Variants in TRPM2 observed in about 807,000 individuals in gnomAD.
TRPM2 encodes transient receptor potential cation channel subfamily M member 2, also known as estrogen-responsive element-associated gene 1 protein.
Under a neutral mutation model 174.0 loss-of-function variants are expected in TRPM2, and 161 were observed. That is an observed-to-expected ratio of 0.93 (90% CI 0.81 to 1.05). The LOEUF (loss-of-function observed/expected upper bound fraction) is 1.05, where lower values mean the gene tolerates loss of function less well. TRPM2 is among the 50% of genes least tolerant of loss of function. The probability of loss-of-function intolerance (pLI) is 0.00; values close to 1 mark genes in which losing one functional copy is unlikely to be tolerated. For missense variants in TRPM2, 2,057 were observed against 2,038.0 expected (o/e 1.01, Z -0.18); for synonymous variants, 954 against 861.3 (o/e 1.11, Z -1.88).
intron 18 of TRPM2, 45 bp downstream of exon 18, chr21:44,406,082 G>T (rs768885326): frequency 6.3e-7 from 1 of 1,595,544 alleles, no homozygotes; most frequent in Non-Finnish European, 8.5e-7. Context: ...TGCAGCCCAG[G>T]GTGGGCCTCG....
intron 2 of TRPM2, among the ~76,000 whole-genome samples, chr21:44,359,914 A>T (rs986173350): frequency 6.6e-6 from 1 of 151,644 alleles, no homozygotes. Context: ...CACCTGGCTA[A>T]TTTTTGTATT....
chr21:44,353,840 A>G lies in TRPM2; in HGVS notation c.140A>G (p.Gln47Arg), dbSNP rs1443830986. The change falls in exon 1 of 32, where the codon CAG (glutamine) becomes CGG (arginine). Residue 47 changes from glutamine to arginine, a missense_variant. Gln to Arg is a conservative substitution (Grantham distance 43). Transcript: ENST00000397928. ...NSSLFKSWRL[Q>R]CPFGNNDKQE... ...AGCCTCTTCAAGAGCTGGAGGCTACAGTGCCCCTTCGGCAACAATGACAAG... is the reference window on the plus strand; with the variant it reads ...AGCCTCTTCAAGAGCTGGAGGCTACGGTGCCCCTTCGGCAACAATGACAAG... The G allele has an allele frequency of 3.1e-6, 5 of 1,600,470 alleles. No individual in the cohort carries two copies. Among genetic ancestry groups the G allele is most frequent in the Non-Finnish European group, 4.3e-6 (5 of 1,174,614 alleles).
chr21:44,355,796 CAG>C (rs1405927552), intron 2 of TRPM2, among the ~76,000 whole-genome samples: 1 of 151,624 alleles, frequency 6.6e-6, no homozygotes, highest in Non-Finnish European at 1.5e-5. Flanking sequence ...GGTACATCAT[CAG>C]AGTTTCACGG....
chr21:44,403,924 CAT>C (rs1030675906), intron 16 of TRPM2, among the ~76,000 whole-genome samples: 8 of 151,254 alleles, frequency 5.3e-5, no homozygotes, highest in Admixed American at 5.3e-4. Context: ...CACACATACA[CAT>C]GTACACAATA....
At chr21:44,419,770 G>GTGA (rs1569098107) in intron 22 of TRPM2, among the ~76,000 whole-genome samples, 1 of 151,716 alleles carries the variant, frequency 6.6e-6, no homozygotes, top group African/African-American at 2.4e-5. Context: ...GGTGGTGGTG[G>GTGA]TGGTGGTGAT....
chr21:44,405,678 G>A (rs550222191), intron 17 of TRPM2, among the ~76,000 whole-genome samples: 38 of 152,262 alleles, frequency 2.5e-4, no homozygotes, highest in African/African-American at 8.9e-4. Flanking sequence ...GGCTCTCCAG[G>A]TGCCCCCATG....
chr21:44,418,415 C>G lies in TRPM2; in HGVS notation c.3329-8C>G, dbSNP rs759469257. 1.2e-6 allele frequency: 2 copies of G among 1,613,758 alleles called. No individual in the cohort carries two copies. Among genetic ancestry groups the G allele is most frequent in the Non-Finnish European group, 1.7e-6 (2 of 1,179,800 alleles). On this transcript the variant is annotated splice_polypyrimidine_tract_variant and splice_region_variant and intron_variant, in intron 21 of 31. Transcript: ENST00000397928. ...CAGGTCCCCTGGTCTGTCCGCCCAC[C>G]CTGACAGAGAACAAGCTGGAGAAGA...
intron 3 of TRPM2, among the ~76,000 whole-genome samples, chr21:44,365,781 G>A (rs893871355): frequency 6.6e-6 from 1 of 152,186 alleles, no homozygotes; most frequent in Non-Finnish European, 1.5e-5. Context: ...CACAGACCCT[G>A]TACTGCAGCA....
intron 19 of TRPM2, 101 bp from the exon 20 acceptor site, chr21:44,413,790 G>T (rs2050183994): frequency 1.2e-5 from 16 of 1,367,986 alleles, no homozygotes; most frequent in Non-Finnish European, 1.4e-5. Flanking sequence ...GGCCTGCGGG[G>T]GACCTGGCAG....
intron 16 of TRPM2, among the ~76,000 whole-genome samples, chr21:44,404,015 TACAC>T (rs374000101): frequency 0.039 from 5,857 of 150,140 alleles, 318 homozygotes; most frequent in African/African-American, 0.12. Flanking sequence ...CACATGCACA[TACAC>T]AAATATACAC....
Position 44,376,311 on chromosome 21 carries a change from C to T in TRPM2, c.952+298C>T, listed in dbSNP as rs1195304152. Among the ~76,000 whole-genome samples, 1 of 152,204 alleles carries T rather than the reference C, an allele frequency of 6.6e-6. No homozygotes were observed. Among genetic ancestry groups the T allele is most frequent in the African/African-American group, 2.4e-5 (1 of 41,452 alleles). On this transcript the variant is annotated intron_variant, in intron 6 of 31. Coordinates refer to ENST00000397928, the MANE Select transcript of TRPM2 (RefSeq NM_003307.4). This position sits in a 1 kb window ranked among gnomAD's most constrained non-coding sequence, Gnocchi z 4.2. ...TTCCCGTGTCTCTTTATACTTTGTT[C>T]CAGGAGGGTCATCTTCTCTTGCCCA... is the stretch of plus-strand genomic sequence containing the variant.
intron 9 of TRPM2, among the ~76,000 whole-genome samples, chr21:44,389,331 T>C (rs1198825426): frequency 2.6e-5 from 4 of 152,216 alleles, no homozygotes; most frequent in African/African-American, 9.7e-5. Flanking sequence ...CATTCATCTG[T>C]TGGGGTGCAT....
chr21:44,376,131 C>T lies in TRPM2; in HGVS notation c.952+118C>T. ...CAGGCCTGGCGTTTGGCAGAGAGTG[C>T]AGTGGGCTGGTCAGAGTGTCAGGTA... is the stretch of plus-strand genomic sequence containing the variant. On this transcript the variant is annotated intron_variant, in intron 6 of 31. Coordinates refer to ENST00000397928, the MANE Select transcript of TRPM2 (RefSeq NM_003307.4). This position sits in a 1 kb window ranked among gnomAD's most constrained non-coding sequence, Gnocchi z 4.2. 1 of 1,250,368 alleles carries T rather than the reference C, an allele frequency of 8.0e-7. No homozygotes were observed. The allele number at this position is 1,250,368 out of a possible 1,614,324, so 77.5% of individuals were successfully genotyped here.
intron 27 of TRPM2, among the ~76,000 whole-genome samples, chr21:44,431,766 A>C (rs1404610268): frequency 1.3e-5 from 2 of 152,150 alleles, no homozygotes; most frequent in East Asian, 3.9e-4. Context: ...GTGAGCCACT[A>C]TGCCTGGTCA....
upstream of TRPM2, among the ~76,000 whole-genome samples, chr21:44,353,053 G>A (rs2123004140): frequency 6.6e-6 from 1 of 152,350 alleles, no homozygotes; most frequent in Non-Finnish European, 1.5e-5. Flanking sequence ...CTACTGGGGA[G>A]GCTAAGGCAG....
At chr21:44,413,117 C>T (rs1036814082) in intron 19 of TRPM2, among the ~76,000 whole-genome samples, 2 of 152,082 alleles carry the variant, frequency 1.3e-5, no homozygotes, top group African/African-American at 2.4e-5. Context: ...TTTTTCTTCA[C>T]AATCACCCGT....
In TRPM2 at chr21:44,376,654, G is replaced by A. The variant is rs561010078; in HGVS notation, c.952+641G>A. Among the ~76,000 whole-genome samples, 1 of 152,340 alleles carries A rather than the reference G, an allele frequency of 6.6e-6. No homozygotes were observed. The highest frequency in any genetic ancestry group is 1.9e-4 in the East Asian group (1 of 5,180). On this transcript the variant is annotated intron_variant, in intron 6 of 31. Transcript: ENST00000397928. This position sits in a 1 kb window ranked among gnomAD's most constrained non-coding sequence, Gnocchi z 4.2. ...ACCTTTTTCCTCATAGGTGGGATGG[G>A]ATGGGTTTGAGGACGTCGGGAGGTC...
At chr21:44,403,996 ACACATACACACATG>A (rs1303099440) in intron 16 of TRPM2, among the ~76,000 whole-genome samples, 22 of 151,618 alleles carry the variant, frequency 1.5e-4, no homozygotes, top group African/African-American at 4.4e-4. Context: ...ATACACACAT[ACACATACACACATG>A]CACATACACA....
rs768002095 is a variant in TRPM2, at chr21:44,366,763, G to A, written c.433G>A (p.Val145Ile). Residue 145 changes from valine to isoleucine, a missense_variant, in exon 4 of 32, where the codon GTC (valine) becomes ATC (isoleucine). Val to Ile is a conservative substitution (Grantham distance 29). Transcript: ENST00000397928. This position sits in a 1 kb window ranked among gnomAD's most constrained non-coding sequence, Gnocchi z 6.0. ...LSQKVKKYVRVSQDTPSSVIY... is the reference protein window; with the variant it reads ...LSQKVKKYVRISQDTPSSVIY... ...TTTCCCTTTCCCGCAGTACGTCCGAGTCTCCCAGGACACGCCCTCCAGCGT... is the reference window on the plus strand; with the variant it reads ...TTTCCCTTTCCCGCAGTACGTCCGAATCTCCCAGGACACGCCCTCCAGCGT... 4.8e-5 allele frequency: 77 copies of A among 1,613,758 alleles called. No homozygotes were observed. The Admixed American group carries it at 1.3e-3, about 27-fold the overall frequency.
Sources: allele counts gnomAD v4.1 joint callset (sites outside exome capture counted in the v4.1 genomes callset), GRCh38; gene constraint gnomAD v4.1.1; non-coding constraint Gnocchi (gnomAD v3.1); transcripts MANE v1.5; gene names NCBI Gene and HGNC (gene_info 2026-07-23, HGNC 2026-07-21).